Variants in FSTL5 observed in about 807,000 individuals in gnomAD.
FSTL5 encodes the protein follistatin-related protein 5.
FSTL5 carries 62 observed loss-of-function variants against 89.1 expected under a neutral mutation model. That is an observed-to-expected ratio of 0.70 (90% CI 0.57 to 0.86). The LOEUF is 0.86. FSTL5 is among the 40% of genes least tolerant of loss of function. FSTL5 has a pLI of 0.00. For synonymous variants in FSTL5, 383 were observed against 346.2 expected (o/e 1.11, Z -1.18); for missense variants, 1,057 against 1,001.6 (o/e 1.06, Z -0.75).
At chr4:161,901,978 T>C (rs959597873) in intron 4 of FSTL5, among the ~76,000 whole-genome samples, 1 of 152,130 alleles carries the variant, frequency 6.6e-6, no homozygotes, top group Non-Finnish European at 1.5e-5. Context: ...TTTATAAAAA[T>C]TAAAGCCAAA....
intron 15 of FSTL5, among the ~76,000 whole-genome samples, chr4:161,404,349 A>G (rs1270459870): frequency 6.6e-6 from 1 of 152,188 alleles, no homozygotes; most frequent in Admixed American, 6.5e-5. Context: ...AGCTTTGAGA[A>G]TTCTTAATGT....
intron 10 of FSTL5, among the ~76,000 whole-genome samples, chr4:161,527,335 A>G (rs1338322919): frequency 6.6e-6 from 1 of 152,210 alleles, no homozygotes; most frequent in East Asian, 1.9e-4. Context: ...AGCAAAAGAA[A>G]CTACCATCAG....
rs752981511 is a variant in FSTL5, at chr4:161,726,901, CAA to C, written c.727+32508_727+32509del. ...TGCTCTAGCAAGATATCCCAAAGAG[CAA>C]AAAAAAAAAATATATATATATATAT... On this transcript the variant is annotated intron_variant, in intron 6 of 15. Coordinates refer to ENST00000306100, the MANE Select transcript of FSTL5 (RefSeq NM_020116.5). 3.1e-3 allele frequency among the ~76,000 whole-genome samples: 445 copies of C among 142,694 alleles called. 1 individual carries two copies. Among genetic ancestry groups the C allele is most frequent in the African/African-American group, 9.2e-3 (353 of 38,558 alleles). The allele number at this position is 142,694 out of a possible 152,430, so 93.6% of individuals were successfully genotyped here. A position where few individuals can be genotyped will look rare whatever the true frequency, so the allele number is the denominator to read the frequency against.
At chr4:161,560,755 G>A (rs1732567196) in intron 8 of FSTL5, among the ~76,000 whole-genome samples, 1 of 151,788 alleles carries the variant, frequency 6.6e-6, no homozygotes, top group African/African-American at 2.4e-5. Context: ...TCTTTCAGGG[G>A]CAATAACACA....
At chr4:161,854,105 C>T (rs986391058) in intron 4 of FSTL5, among the ~76,000 whole-genome samples, 1 of 152,064 alleles carries the variant, frequency 6.6e-6, no homozygotes, top group Non-Finnish European at 1.5e-5. Flanking sequence ...CAAGTTTACT[C>T]TGGAACTCAA....
At chr4:162,038,874 A>G (rs1213979689) in intron 2 of FSTL5, among the ~76,000 whole-genome samples, 1 of 151,814 alleles carries the variant, frequency 6.6e-6, no homozygotes, top group African/African-American at 2.4e-5. Context: ...CTCCACCATA[A>G]CAGCATTGAG....
intron 7 of FSTL5, among the ~76,000 whole-genome samples, chr4:161,591,496 T>C (rs1164471325): frequency 6.6e-6 from 1 of 151,576 alleles, no homozygotes; most frequent in African/African-American, 2.4e-5. Context: ...GTTGTTAAAA[T>C]AAAATCTATA....
chr4:161,872,128 G>GTTTTTTTGTTTGTTTTTTTTTTTT (rs1732282226), intron 4 of FSTL5, among the ~76,000 whole-genome samples: 13 of 64,142 alleles, frequency 2.0e-4, no homozygotes, highest in Non-Finnish European at 2.7e-4. Context: ...TTTGTAGTTT[G>GTTTTTTTGTTTGTTTTTTTTTTTT]TTTTTTTTTT....
chr4:161,387,256 T>C (rs1560869997), intron 15 of FSTL5: 1 of 152,032 alleles, frequency 6.6e-6, no homozygotes, highest in Non-Finnish European at 1.5e-5. Context: ...TTAAACAAAA[T>C]TATATCCAAA....
chr4:162,037,850 G>A (rs1737800347), intron 2 of FSTL5, among the ~76,000 whole-genome samples: 1 of 151,940 alleles, frequency 6.6e-6, no homozygotes, highest in South Asian at 2.1e-4. Flanking sequence ...AATAATAACT[G>A]TTCCAATTTG....
At position 161,613,671 on chromosome 4, in the gene FSTL5, G is replaced by C. The variant is rs560373963; in HGVS notation, c.895-26096C>G. On this transcript the variant is annotated intron_variant, in intron 7 of 15. Coordinates refer to ENST00000306100, the MANE Select transcript of FSTL5 (RefSeq NM_020116.5). ...GAGCGAACCCAAACAAAAAAGTCTC[G>C]TTACATTTCACATCTATTCACCTGA... 2.0e-5 allele frequency among the ~76,000 whole-genome samples: 3 copies of C among 152,120 alleles called. No individual in the cohort carries two copies. In the South Asian group the frequency reaches 6.2e-4, roughly 32 times the overall value.
chr4:161,456,197 A>G lies in FSTL5; in HGVS notation c.1717-1069T>C, dbSNP rs141901205. On this transcript the variant is annotated intron_variant, in intron 14 of 15. Coordinates refer to ENST00000306100, the MANE Select transcript of FSTL5 (RefSeq NM_020116.5). ...TTATTGTGCATTTGATAAGACATTA[A>G]TTATATTCCAATTGTGAAATTTGTG... is the stretch of plus-strand genomic sequence containing the variant. Among the ~76,000 whole-genome samples the G allele has an allele frequency of 2.4e-3, 359 of 152,284 alleles. 3 individuals are homozygous for G. The highest frequency in any genetic ancestry group is 8.3e-3 in the African/African-American group (345 of 41,578).
intron 15 of FSTL5, among the ~76,000 whole-genome samples, chr4:161,417,141 A>G (rs1193315014): frequency 6.6e-6 from 1 of 152,228 alleles, no homozygotes; most frequent in Non-Finnish European, 1.5e-5. Flanking sequence ...ATGCTATACT[A>G]AAATCTCTGC....
At chr4:162,145,790 A>G (rs1732951270) in intron 1 of FSTL5, among the ~76,000 whole-genome samples, 1 of 152,188 alleles carries the variant, frequency 6.6e-6, no homozygotes, top group Admixed American at 6.5e-5. Context: ...AGTATTAATA[A>G]TTTCTACCAA....
At chr4:161,778,415 G>A (rs748500069) in intron 4 of FSTL5, among the ~76,000 whole-genome samples, 1 of 152,146 alleles carries the variant, frequency 6.6e-6, no homozygotes, top group Non-Finnish European at 1.5e-5. Flanking sequence ...TTAAGAGCAT[G>A]TACAATTTTA....
rs991324802 is a variant in FSTL5, at chr4:161,541,297, T to A, written c.1177+1235A>T. ...GCACCTTCTCTTTTCAAATGTTGAG[T>A]CTGGAGTGTAACAACTTCAAAAATT... On this transcript the variant is annotated intron_variant, in intron 9 of 15. Coordinates refer to ENST00000306100, the MANE Select transcript of FSTL5 (RefSeq NM_020116.5). Among the ~76,000 whole-genome samples, 6 of 152,204 alleles carry A rather than the reference T, an allele frequency of 3.9e-5. No individual in the cohort carries two copies. The East Asian group carries it at 1.2e-3, about 29-fold the overall frequency.
At chr4:161,949,348 C>A (rs1415161317) in intron 3 of FSTL5, among the ~76,000 whole-genome samples, 2 of 152,096 alleles carry the variant, frequency 1.3e-5, no homozygotes, top group Non-Finnish European at 2.9e-5. Context: ...CGGACAGAAA[C>A]ATCTTTGGGG....
chr4:161,943,571 T>G (rs954402705), intron 3 of FSTL5, among the ~76,000 whole-genome samples: 1 of 80,330 alleles, frequency 1.2e-5, no homozygotes, highest in African/African-American at 4.3e-5. Flanking sequence ...TTTTTTTTTT[T>G]TTTTGAGGTG....
rs1561049268 is a variant in FSTL5 at position 162,153,797 on chromosome 4, G to GTATATGTA, written c.-17+9817_-17+9818insTACATATA. ...TATATGTATACATATATATGTATAT[G>GTATATGTA]TATATATATATATTTATATTTATTT... is the stretch of plus-strand genomic sequence containing the variant. On this transcript the variant is annotated intron_variant, in intron 1 of 15. Transcript: ENST00000306100. 2.3e-4 allele frequency among the ~76,000 whole-genome samples: 30 copies of GTATATGTA among 128,712 alleles called. 1 individual carries two copies. The highest frequency in any genetic ancestry group is 8.4e-4 in the Admixed American group (10 of 11,912). 84.4% of individuals were successfully genotyped at this position (128,712 alleles called of 152,430 possible). A position where few individuals can be genotyped will look rare whatever the true frequency, so the allele number is the denominator to read the frequency against.
Sources: gnomAD v4.1 joint callset for allele counts (sites outside exome capture counted in the v4.1 genomes callset) on GRCh38, gnomAD v4.1.1 for gene constraint, MANE v1.5 for transcripts, NCBI Gene and HGNC (gene_info 2026-07-23, HGNC 2026-07-21) for gene names.